The following AUH variants were observed in gnomAD, a reference collection of about 807,000 sequenced individuals.
The protein encoded by AUH is methylglutaconyl-CoA hydratase, mitochondrial.
A neutral mutation model predicts 42.3 loss-of-function variants in AUH; 29 were observed. The observed-to-expected ratio is 0.69, with a 90% CI of 0.51 to 0.93. The LOEUF (loss-of-function observed/expected upper bound fraction) is 0.93. AUH is among the 40% of genes least tolerant of loss of function. The probability of loss-of-function intolerance (pLI) is 0.00; values close to 1 mark genes in which losing one functional copy is unlikely to be tolerated. For synonymous variants in AUH, 174 were observed against 166.4 expected, an observed-to-expected ratio of 1.05 and a Z score of -0.35; for missense variants, 452 against 438.1, an observed-to-expected ratio of 1.03 and a Z score of -0.28.
chr9:91,355,802 G>C (rs931093085), intron 3 of AUH, 81 bp downstream of exon 3: 42 of 1,314,172 alleles, frequency 3.2e-5, no homozygotes, highest in Non-Finnish European at 4.5e-5. Context: ...TCAAACCAAA[G>C]AACATTCTAA....
chr9:91,231,859 A>T (rs1006324635), intron 6 of AUH, among the ~76,000 whole-genome samples: 7 of 152,180 alleles, frequency 4.6e-5, no homozygotes, highest in Non-Finnish European at 1.0e-4. Flanking sequence ...ACTCCTGCAG[A>T]TACTCCATAG....
intron 6 of AUH, among the ~76,000 whole-genome samples, chr9:91,292,433 C>T (rs1826982998): frequency 6.6e-6 from 1 of 152,028 alleles, no homozygotes; most frequent in Non-Finnish European, 1.5e-5. Flanking sequence ...CACGCACCAC[C>T]ATGACTGGCT....
chr9:91,312,999 T>A (rs1441310811), intron 4 of AUH, among the ~76,000 whole-genome samples: 1 of 151,978 alleles, frequency 6.6e-6, no homozygotes, highest in Non-Finnish European at 1.5e-5. Context: ...GGTTTTAAAG[T>A]AAGGTAGAAA....
At chr9:91,254,291 G>A (rs1297402007) in intron 6 of AUH, among the ~76,000 whole-genome samples, 1 of 152,148 alleles carries the variant, frequency 6.6e-6, no homozygotes, top group Non-Finnish European at 1.5e-5. Context: ...GGAAGCTGCG[G>A]AAAGTCTTCC....
intron 6 of AUH, among the ~76,000 whole-genome samples, chr9:91,263,172 A>G (rs1234994537): frequency 6.6e-6 from 1 of 152,184 alleles, no homozygotes; most frequent in African/African-American, 2.4e-5. Context: ...CTTGGAATAC[A>G]CTGTTGGAAA....
At chr9:91,260,740 T>C (rs1829665344) in intron 6 of AUH, among the ~76,000 whole-genome samples, 1 of 152,204 alleles carries the variant, frequency 6.6e-6, no homozygotes, top group Non-Finnish European at 1.5e-5. Flanking sequence ...TCTACTGTTA[T>C]ATCCACTGGA....
At chr9:91,217,408 C>T in intron 7 of AUH, 81 bp from the exon 8 acceptor site, 3 of 1,446,922 alleles carry the variant, frequency 2.1e-6, no homozygotes, top group Non-Finnish European at 1.9e-6. Flanking sequence ...TTCAGAATTC[C>T]CACCACTGGA....
At chr9:91,322,125 A>G (rs1829626927) in intron 4 of AUH, among the ~76,000 whole-genome samples, 1 of 152,226 alleles carries the variant, frequency 6.6e-6, no homozygotes, top group Admixed American at 6.5e-5. Context: ...GGAACTCCCA[A>G]GAAAAAATGG....
chr9:91,345,078 G>GA (rs979673349), intron 3 of AUH, among the ~76,000 whole-genome samples: 2 of 151,644 alleles, frequency 1.3e-5, no homozygotes, highest in African/African-American at 4.8e-5. Context: ...CTGCATCTGT[G>GA]AAAAAACTAC....
chr9:91,254,176 C>G (rs980072145), intron 6 of AUH, among the ~76,000 whole-genome samples: 1 of 152,200 alleles, frequency 6.6e-6, no homozygotes, highest in Non-Finnish European at 1.5e-5. Flanking sequence ...AAGAATATCT[C>G]TGGATGGTGT....
At chr9:91,309,667 G>A (rs2131744499) in intron 4 of AUH, among the ~76,000 whole-genome samples, 1 of 152,258 alleles carries the variant, frequency 6.6e-6, no homozygotes, top group South Asian at 2.1e-4. Context: ...CACAGGGGAG[G>A]ACAGTGGTGA....
chr9:91,273,799 T>C (rs1311034111), intron 6 of AUH, among the ~76,000 whole-genome samples: 3 of 152,162 alleles, frequency 2.0e-5, no homozygotes, highest in Non-Finnish European at 2.9e-5. Context: ...GACAAACAAA[T>C]TCAGTGGTTT....
chr9:91,308,983 G>A (rs1828460266), intron 4 of AUH, among the ~76,000 whole-genome samples: 1 of 151,434 alleles, frequency 6.6e-6, no homozygotes, highest in Non-Finnish European at 1.5e-5. Flanking sequence ...GCAGCGATGG[G>A]GTTTCACCCT....
intron 6 of AUH, among the ~76,000 whole-genome samples, chr9:91,238,599 G>T (rs1004906314): frequency 1.3e-5 from 2 of 152,210 alleles, no homozygotes; most frequent in Non-Finnish European, 2.9e-5. Context: ...TCATGTTCAT[G>T]TATCACTTGG....
At chr9:91,222,215 T>G (rs1476980913) in intron 6 of AUH, among the ~76,000 whole-genome samples, 1 of 152,172 alleles carries the variant, frequency 6.6e-6, no homozygotes, top group Non-Finnish European at 1.5e-5. Flanking sequence ...AATCATTTTT[T>G]GTTCACACCT....
At chr9:91,337,412 T>G (rs975613889) in intron 3 of AUH, among the ~76,000 whole-genome samples, 1 of 152,186 alleles carries the variant, frequency 6.6e-6, no homozygotes, top group Non-Finnish European at 1.5e-5. Flanking sequence ...CCATATACTT[T>G]GGAAGAAGAT....
At chr9:91,288,771 A>G (rs993045424) in intron 6 of AUH, among the ~76,000 whole-genome samples, 1 of 152,144 alleles carries the variant, frequency 6.6e-6, no homozygotes, top group African/African-American at 2.4e-5. Flanking sequence ...TTTAATAGTC[A>G]TTTGATACTA....
In AUH at chr9:91,234,672, G is replaced by A. The variant is rs570120091; in HGVS notation, c.656-13680C>T. Among the ~76,000 whole-genome samples, 5 of 151,656 alleles carry A rather than the reference G, an allele frequency of 3.3e-5. No homozygotes were observed. The East Asian group carries it at 7.8e-4, about 24-fold the overall frequency. On this transcript the variant is annotated intron_variant, in intron 6 of 9. Coordinates refer to ENST00000375731, the MANE Select transcript of AUH (RefSeq NM_001698.3). Reference sequence around the variant, plus strand: ...AATAATTTATTGATTAACCTAACAAGTGCCAGGCACTGTCCTAGGTGCTGA... The same window carrying A: ...AATAATTTATTGATTAACCTAACAAATGCCAGGCACTGTCCTAGGTGCTGA...
At chr9:91,313,691 G>A (rs1157259890) in intron 4 of AUH, among the ~76,000 whole-genome samples, 8 of 113,120 alleles carry the variant, frequency 7.1e-5, no homozygotes, top group East Asian at 2.8e-4. Context: ...CGGCCTGGGC[G>A]ACAAAGCGAG....
Sources: gnomAD v4.1 joint callset for allele counts (sites outside exome capture counted in the v4.1 genomes callset) on GRCh38, gnomAD v4.1.1 for gene constraint, MANE v1.5 for transcripts, NCBI Gene and HGNC (gene_info 2026-07-23, HGNC 2026-07-21) for gene names.